Variants in UBE2G1 observed in about 807,000 individuals in gnomAD.
The protein encoded by UBE2G1 is ubiquitin conjugating enzyme E2 G1, also known as ubiquitin-conjugating enzyme E2 G1.
Under a neutral mutation model 22.7 loss-of-function variants are expected in UBE2G1, and 5 were observed. That is an observed-to-expected ratio of 0.22 (90% confidence interval 0.12 to 0.46). UBE2G1 has a LOEUF of 0.46. Among genes scored for constraint, UBE2G1 ranks in the 20% least tolerant of loss-of-function variants. UBE2G1 has a pLI of 0.99. For missense variants in UBE2G1, 88 were observed against 203.9 expected, an observed-to-expected ratio of 0.43 and a Z score of 3.46; for synonymous variants, 74 against 67.5, an observed-to-expected ratio of 1.10 and a Z score of -0.47.
At chr17:4,322,937 C>T (rs1022356666) in intron 1 of UBE2G1, among the ~76,000 whole-genome samples, 1 of 151,980 alleles carries the variant, frequency 6.6e-6, no homozygotes, top group East Asian at 1.9e-4. Context: ...AGGAGAGAAA[C>T]AGGAGAATTT....
intron 3 of UBE2G1, among the ~76,000 whole-genome samples, chr17:4,294,638 G>C (rs982528082): frequency 6.6e-6 from 1 of 152,084 alleles, no homozygotes; most frequent in Non-Finnish European, 1.5e-5. Flanking sequence ...TAGGCCTGGC[G>C]TGGTAGCTAA....
chr17:4,365,661 G>C (rs933382620), intron 1 of UBE2G1, among the ~76,000 whole-genome samples: 2 of 152,120 alleles, frequency 1.3e-5, no homozygotes, highest in Non-Finnish European at 2.9e-5. Flanking sequence ...GGCGGAGGCA[G>C]GCGAGGCGGC....
Position 4,366,204 on chromosome 17 carries a change from A to AGAGG in UBE2G1, c.46+63_46+66dup, listed in dbSNP as rs761169457. 3,660 of 1,465,188 alleles carry AGAGG rather than the reference A, an allele frequency of 2.5e-3. 3 individuals carry two copies. Among genetic ancestry groups the AGAGG allele is most frequent in the Non-Finnish European group, 3.1e-3 (3,404 of 1,110,812 alleles). 90.8% of individuals were successfully genotyped at this position (1,465,188 alleles called of 1,614,324 possible). A position where few individuals can be genotyped will look rare whatever the true frequency, so the allele number is the denominator to read the frequency against. On this transcript the variant is annotated intron_variant, in intron 1 of 5. Coordinates refer to ENST00000396981, the MANE Select transcript of UBE2G1 (RefSeq NM_003342.5). The stretch of plus-strand genomic sequence containing the variant: ...GTACGGCCGCTGGCCCGGGAGGAGA[A>AGAGG]GAGGGACTGGGCTGCGGCTGTCCGC...
chr17:4,289,075 T>C lies in UBE2G1; in HGVS notation c.426+155A>G, dbSNP rs559961166. ...ATAAATACGTAAATAAATATATTTA[T>C]TTTGTCAAAAATAAGAACTATGGGA... On this transcript the variant is annotated intron_variant, in intron 4 of 5. Coordinates refer to ENST00000396981, the MANE Select transcript of UBE2G1 (RefSeq NM_003342.5). Among the ~76,000 whole-genome samples the C allele has an allele frequency of 2.7e-5, 4 of 149,198 alleles. No individual in the cohort carries two copies. In the East Asian group the frequency reaches 7.9e-4, roughly 29 times the overall value.
chr17:4,319,673 T>C (rs1598192869), intron 1 of UBE2G1, among the ~76,000 whole-genome samples: 1 of 151,246 alleles, frequency 6.6e-6, no homozygotes, highest in Non-Finnish European at 1.5e-5. Context: ...AGGTCGAGGC[T>C]GCAGTGAGCT....
At chr17:4,309,842 C>T (rs1969288672) in intron 1 of UBE2G1, among the ~76,000 whole-genome samples, 1 of 152,154 alleles carries the variant, frequency 6.6e-6, no homozygotes, top group African/African-American at 2.4e-5. Flanking sequence ...TATACATGGT[C>T]AAAATTACCC....
chr17:4,361,624 A>G (rs1305873833), intron 1 of UBE2G1, among the ~76,000 whole-genome samples: 3 of 152,206 alleles, frequency 2.0e-5, no homozygotes, highest in Non-Finnish European at 4.4e-5. Context: ...ATAAACATAC[A>G]TACAAGAACC....
At chr17:4,351,926 GT>G (rs1206365364) in intron 1 of UBE2G1, among the ~76,000 whole-genome samples, 1 of 152,130 alleles carries the variant, frequency 6.6e-6, no homozygotes, top group African/African-American at 2.4e-5. Flanking sequence ...CCTTCCAAAA[GT>G]TACAAAGACT....
At chr17:4,337,849 A>G (rs1397250375) in intron 1 of UBE2G1, among the ~76,000 whole-genome samples, 1 of 152,116 alleles carries the variant, frequency 6.6e-6, no homozygotes, top group African/African-American at 2.4e-5. Flanking sequence ...CTCAAGTAAG[A>G]TAACAGAAGC....
At chr17:4,341,677 T>G (rs549108628) in intron 1 of UBE2G1, among the ~76,000 whole-genome samples, 1 of 152,060 alleles carries the variant, frequency 6.6e-6, no homozygotes, top group African/African-American at 2.4e-5. Flanking sequence ...ACTTTAAGAG[T>G]TGTCTTCATT....
intron 1 of UBE2G1, among the ~76,000 whole-genome samples, chr17:4,359,851 CA>C (rs35941094): frequency 0.58 from 62,448 of 107,464 alleles, 15,969 homozygotes; most frequent in African/African-American, 0.77. Flanking sequence ...GGCTCCATCT[CA>C]AAAAAAAAAA....
At position 4,302,281 on chromosome 17, in the gene UBE2G1, C is replaced by T. The variant is rs1217126928; in HGVS notation, c.149+4740G>A. Reference sequence around the variant, plus strand: ...GTATTTGGGCTCCCAGTGGATGACACGGGGAAGAACAGCATCTGGGTTCTG... The same window carrying T: ...GTATTTGGGCTCCCAGTGGATGACATGGGGAAGAACAGCATCTGGGTTCTG... On this transcript the variant is annotated intron_variant, in intron 2 of 5. Transcript: ENST00000396981. The T allele has an allele frequency of 1.7e-5, 8 of 471,050 alleles. 1 individual carries two copies. Among genetic ancestry groups the T allele is most frequent in the South Asian group, 5.0e-5 (3 of 60,346 alleles). 29.2% of individuals were successfully genotyped at this position (471,050 alleles called of 1,614,324 possible).
chr17:4,363,094 T>A (rs573408054), intron 1 of UBE2G1, among the ~76,000 whole-genome samples: 1 of 152,250 alleles, frequency 6.6e-6, no homozygotes, highest in East Asian at 1.9e-4. Context: ...GCACCCCAGT[T>A]TGGGCAACAA....
chr17:4,340,581 C>T (rs1467557709), intron 1 of UBE2G1, among the ~76,000 whole-genome samples: 1 of 152,134 alleles, frequency 6.6e-6, no homozygotes, highest in Non-Finnish European at 1.5e-5. Flanking sequence ...CCGCTTCGCA[C>T]TGCACTTCTC....
At chr17:4,315,421 C>T (rs923007688) in intron 1 of UBE2G1, among the ~76,000 whole-genome samples, 19 of 152,260 alleles carry the variant, frequency 1.2e-4, no homozygotes, top group African/African-American at 4.6e-4. Context: ...AACTAGACGT[C>T]ATTTTGTACT....
rs542345037 is a variant in UBE2G1, at chr17:4,318,569, T to C, written c.47-11446A>G. Among the ~76,000 whole-genome samples the C allele has an allele frequency of 1.1e-4, 17 of 152,348 alleles. No individual in the cohort carries two copies. In the South Asian group the frequency reaches 3.5e-3, roughly 32 times the overall value. On this transcript the variant is annotated intron_variant, in intron 1 of 5. Transcript: ENST00000396981. Reference sequence around the variant, plus strand: ...ACTCCTGCCCTTCTATAAACTTAGTTAGAAGTCAGTTTTCCTTTTTGTCTA... The same window carrying C: ...ACTCCTGCCCTTCTATAAACTTAGTCAGAAGTCAGTTTTCCTTTTTGTCTA...
At chr17:4,273,317 CAAAAA>C (rs1555519246) in intron 5 of UBE2G1, among the ~76,000 whole-genome samples, 6 of 152,258 alleles carry the variant, frequency 3.9e-5, no homozygotes, top group Admixed American at 6.5e-5. Flanking sequence ...GTTTCCTGTT[CAAAAA>C]GTTAGAAAAA....
At chr17:4,327,141 C>G (rs377573796) in intron 1 of UBE2G1, among the ~76,000 whole-genome samples, 2 of 151,800 alleles carry the variant, frequency 1.3e-5, no homozygotes, top group East Asian at 3.9e-4. Flanking sequence ...ACCAAAAATA[C>G]AAAATTAGCC....
At chr17:4,302,057 A>G (rs1969187676) in intron 2 of UBE2G1, 7 of 500,936 alleles carry the variant, frequency 1.4e-5, no homozygotes, top group Non-Finnish European at 2.4e-5. Context: ...AGGGGGGGGA[A>G]GTTTTTACAT....
Sources: gnomAD v4.1 joint callset for allele counts (sites outside exome capture counted in the v4.1 genomes callset) on GRCh38, gnomAD v4.1.1 for gene constraint, MANE v1.5 for transcripts, NCBI Gene and HGNC (gene_info 2026-07-23, HGNC 2026-07-21) for gene names.